Variants in NFIB observed in about 807,000 individuals in gnomAD.
NFIB encodes nuclear factor I B.
In NFIB, 11 loss-of-function variants were observed where a neutral mutation model predicts 61.5. That is an observed-to-expected ratio of 0.18 (90% confidence interval 0.11 to 0.30). The LOEUF is 0.30. NFIB is among the 10% of genes least tolerant of loss of function. NFIB has a pLI of 1.00. For synonymous variants in NFIB, 260 were observed against 216.5 expected (o/e 1.20, Z -1.76); for missense variants, 471 against 608.9 (o/e 0.77, Z 2.38).
chr9:14,134,121 C>T (rs76117161), intron 6 of NFIB, among the ~76,000 whole-genome samples: 3,037 of 152,224 alleles, frequency 0.02, 102 homozygotes, highest in African/African-American at 0.067. Context: ...GGTAAAGTCA[C>T]AGGGCCATAA....
chr9:14,081,952 G>C lies in NFIB; in HGVS notation c.*6357C>G, dbSNP rs961426784. ...GAGCAGCTGCTAGCAGTATAGGCTG[G>C]ATATAACAGTAACAATCACATTAAG... is the stretch of plus-strand genomic sequence containing the variant. On this transcript the variant is annotated 3_prime_UTR_variant, in exon 11 of 11. Coordinates refer to ENST00000380953, the MANE Select transcript of NFIB (RefSeq NM_001190737.2). The C allele has an allele frequency of 4.9e-6, 1 of 204,756 alleles. No homozygotes were observed. The highest frequency in any genetic ancestry group is 2.3e-5 in the African/African-American group (1 of 43,726). 12.7% of individuals were successfully genotyped at this position (204,756 alleles called of 1,614,324 possible). A position where few individuals can be genotyped will look rare whatever the true frequency, so the allele number is the denominator to read the frequency against.
the NFIB span, among the ~76,000 whole-genome samples, chr9:14,477,707 T>C: frequency 4.6e-5 from 7 of 152,286 alleles, no homozygotes; most frequent in South Asian, 2.1e-4. Context: ...TACAAATACA[T>C]TACACATCCC....
rs1304006300 is a variant in NFIB, at chr9:14,083,980, C to T, written c.*4329G>A. ...TACTAATAAAAAGACAGTGGTGCTT[C>T]GACATTCTGAAATGCTCTGGAAACC... is the stretch of plus-strand genomic sequence containing the variant. On this transcript the variant is annotated 3_prime_UTR_variant, in exon 11 of 11. Transcript: ENST00000380953. 4.6e-6 allele frequency: 1 copy of T among 218,150 alleles called. No homozygotes were observed. The highest frequency in any genetic ancestry group is 9.2e-6 in the Non-Finnish European group (1 of 108,384). The allele number at this position is 218,150 out of a possible 1,614,324, so 13.5% of individuals were successfully genotyped here.
intron 2 of NFIB, among the ~76,000 whole-genome samples, chr9:14,249,744 G>A (rs942972610): frequency 6.6e-6 from 1 of 151,998 alleles, no homozygotes; most frequent in Non-Finnish European, 1.5e-5. Context: ...AGGAAGGAGG[G>A]AGAGGGCAGA....
chr9:14,217,488 T>C (rs2051059159), intron 2 of NFIB, among the ~76,000 whole-genome samples: 1 of 151,846 alleles, frequency 6.6e-6, no homozygotes, highest in African/African-American at 2.4e-5. Flanking sequence ...TGGAGAAACC[T>C]TGTGTCTACT....
At chr9:14,367,978 T>C (rs139970819) in intron 1 of NFIB, among the ~76,000 whole-genome samples, 388 of 152,202 alleles carry the variant, frequency 2.5e-3, no homozygotes, top group African/African-American at 8.9e-3. Flanking sequence ...TGTATACCTA[T>C]GTAACAAACC....
intron 2 of NFIB, among the ~76,000 whole-genome samples, chr9:14,240,744 C>T (rs2054264105): frequency 6.6e-6 from 1 of 152,170 alleles, no homozygotes; most frequent in Non-Finnish European, 1.5e-5. Context: ...AAAGCACTCC[C>T]TAAGTCCAAG....
chr9:14,236,858 A>AT (rs2053796590), intron 2 of NFIB, among the ~76,000 whole-genome samples: 1 of 151,966 alleles, frequency 6.6e-6, no homozygotes, highest in Non-Finnish European at 1.5e-5. Flanking sequence ...TTTAAAAAAA[A>AT]AAAAATAAAA....
intron 2 of NFIB, among the ~76,000 whole-genome samples, chr9:14,240,751 C>A (rs2054264494): frequency 6.6e-6 from 1 of 152,144 alleles, no homozygotes; most frequent in African/African-American, 2.4e-5. Flanking sequence ...TCCCTAAGTC[C>A]AAGTCTCTTT....
chr9:14,197,224 T>C (rs936611190), intron 2 of NFIB, among the ~76,000 whole-genome samples: 5 of 152,220 alleles, frequency 3.3e-5, no homozygotes, highest in Admixed American at 2.6e-4. Context: ...TTCATTGCAT[T>C]TCCCCTTCTG....
chr9:14,134,090 A>T (rs1372746524), intron 6 of NFIB, among the ~76,000 whole-genome samples: 1 of 152,194 alleles, frequency 6.6e-6, no homozygotes, highest in Non-Finnish European at 1.5e-5. Context: ...TAAAATTCAA[A>T]TGATAAAAAA....
At chr9:14,462,264 T>C in the NFIB span, among the ~76,000 whole-genome samples, 1 of 152,012 alleles carries the variant, frequency 6.6e-6, no homozygotes, top group African/African-American at 2.4e-5. Context: ...GGTATTCTTT[T>C]TTCTTTTTTT....
rs1431418642 is a variant in NFIB at position 14,082,140 on chromosome 9, T to G, written c.*6169A>C. 1 of 207,612 alleles carries G rather than the reference T, an allele frequency of 4.8e-6. No homozygotes were observed. The highest frequency in any genetic ancestry group is 9.8e-6 in the Non-Finnish European group (1 of 101,564). The allele number at this position is 207,612 out of a possible 1,614,324, so 12.9% of individuals were successfully genotyped here. ...TCCCAGAGGCCTGAACTCTAGAAAT[T>G]AAGTAACTGTCGTATAATACATCCT... On this transcript the variant is annotated 3_prime_UTR_variant, in exon 11 of 11. Transcript: ENST00000380953.
chr9:14,341,633 G>C (rs990338493), intron 1 of NFIB, among the ~76,000 whole-genome samples: 1 of 152,110 alleles, frequency 6.6e-6, no homozygotes, highest in Non-Finnish European at 1.5e-5. Context: ...AGTGAAATGT[G>C]GAAATGGGGT....
chr9:14,246,891 A>G (rs575331487), intron 2 of NFIB, among the ~76,000 whole-genome samples: 8 of 152,306 alleles, frequency 5.3e-5, no homozygotes, highest in South Asian at 4.1e-4. Flanking sequence ...ATTAAGGTTA[A>G]ATGAGGTCAT....
intron 2 of NFIB, among the ~76,000 whole-genome samples, chr9:14,216,246 C>A (rs2050842030): frequency 6.6e-6 from 1 of 152,090 alleles, no homozygotes; most frequent in South Asian, 2.1e-4. Flanking sequence ...ATAATTTTAA[C>A]TGATAATCAT....
At chr9:14,426,074 G>C in the NFIB span, among the ~76,000 whole-genome samples, 444 of 152,288 alleles carry the variant, frequency 2.9e-3, 10 homozygotes, top group East Asian at 0.071. Context: ...ATGCGTTGGA[G>C]ATGGAGGTAG....
At chr9:14,261,451 T>C (rs1331024666) in intron 2 of NFIB, among the ~76,000 whole-genome samples, 4 of 152,212 alleles carry the variant, frequency 2.6e-5, no homozygotes, top group Non-Finnish European at 4.4e-5. Context: ...TAAGGCAGTG[T>C]AGTTGAGTCC....
At chr9:14,328,516 ATAG>A (rs2060781956) in intron 1 of NFIB, among the ~76,000 whole-genome samples, 1 of 152,002 alleles carries the variant, frequency 6.6e-6, no homozygotes, top group Non-Finnish European at 1.5e-5. Flanking sequence ...TATATGAACA[ATAG>A]TAGAGATACT....
Sources: allele counts gnomAD v4.1 joint callset (sites outside exome capture counted in the v4.1 genomes callset), GRCh38; gene constraint gnomAD v4.1.1; transcripts MANE v1.5; gene names NCBI Gene and HGNC (gene_info 2026-07-23, HGNC 2026-07-21).